The following CDH18 variants were observed in gnomAD, a reference collection of about 807,000 sequenced individuals.
The protein encoded by CDH18 is cadherin 18.
A neutral mutation model predicts 67.9 loss-of-function variants in CDH18; 31 were observed. The ratio of observed to expected loss-of-function variants is 0.46; its 90% confidence interval spans 0.34 to 0.62. The LOEUF (loss-of-function observed/expected upper bound fraction) is 0.62, where lower values mean the gene tolerates loss of function less well. CDH18 is among the 20% of genes least tolerant of loss of function. The pLI, the probability that CDH18 is intolerant of heterozygous loss-of-function variation, is 0.01. For missense variants in CDH18, 890 were observed against 975.5 expected (o/e 0.91, Z 1.17); for synonymous variants, 362 against 347.2 (o/e 1.04, Z -0.48).
chr5:19,623,773 T>G (rs1224888916), intron 5 of CDH18, among the ~76,000 whole-genome samples: 5 of 151,436 alleles, frequency 3.3e-5, no homozygotes, highest in Non-Finnish European at 7.4e-5. Context: ...ATTAAAACAC[T>G]ACTATATAAG....
chr5:20,094,857 A>T (rs1355128616), intron 2 of CDH18, among the ~76,000 whole-genome samples: 1 of 152,168 alleles, frequency 6.6e-6, no homozygotes, highest in East Asian at 1.9e-4. Flanking sequence ...ACACGCACAC[A>T]TATATTTACT....
At chr5:19,981,957 C>T (rs12657772) in intron 1 of CDH18, among the ~76,000 whole-genome samples, 64,439 of 152,006 alleles carry the variant, frequency 0.42, 16,055 homozygotes, top group Middle Eastern at 0.64. Context: ...CTACAAAATA[C>T]TAATTATGCC....
intron 2 of CDH18, among the ~76,000 whole-genome samples, chr5:19,848,665 T>C (rs1189696768): frequency 2.6e-5 from 4 of 151,874 alleles, no homozygotes; most frequent in African/African-American, 9.7e-5. Flanking sequence ...CTAGCTTCCA[T>C]GAGGAGAATG....
intron 1 of CDH18, among the ~76,000 whole-genome samples, chr5:20,441,409 AATG>A (rs1363052691): frequency 5.3e-5 from 8 of 151,876 alleles, no homozygotes; most frequent in Non-Finnish European, 1.0e-4. Flanking sequence ...CTGGTACAGG[AATG>A]ATGTGTGTGC....
intron 1 of CDH18, among the ~76,000 whole-genome samples, chr5:20,326,762 C>T (rs765670817): frequency 1.3e-4 from 20 of 152,104 alleles, no homozygotes; most frequent in Non-Finnish European, 2.6e-4. Flanking sequence ...AAGATGGTCT[C>T]GATCTCCTGA....
intron 5 of CDH18, among the ~76,000 whole-genome samples, chr5:19,706,163 G>A (rs1000723436): frequency 2.0e-5 from 3 of 152,082 alleles, no homozygotes; most frequent in East Asian, 3.9e-4. Context: ...GCTCAGTTAC[G>A]ATTTCATACA....
intron 2 of CDH18, among the ~76,000 whole-genome samples, chr5:20,170,692 G>A (rs1736632657): frequency 6.6e-6 from 1 of 152,004 alleles, no homozygotes; most frequent in Non-Finnish European, 1.5e-5. Context: ...AAATTTTGGT[G>A]GTTGTTGTTT....
intron 2 of CDH18, among the ~76,000 whole-genome samples, chr5:20,029,107 T>A (rs969266361): frequency 1.3e-5 from 2 of 152,194 alleles, no homozygotes; most frequent in Admixed American, 6.5e-5. Context: ...TTAATTATGC[T>A]TTCTAAATTA....
intron 1 of CDH18, among the ~76,000 whole-genome samples, chr5:20,278,318 G>A (rs150186957): frequency 2.8e-4 from 42 of 152,070 alleles, no homozygotes; most frequent in East Asian, 1.2e-3. Context: ...GCAGCAGACC[G>A]TTTGGTGCAA....
intron 2 of CDH18, among the ~76,000 whole-genome samples, chr5:20,096,368 A>G (rs1745991055): frequency 6.6e-6 from 1 of 152,112 alleles, no homozygotes; most frequent in South Asian, 2.1e-4. Flanking sequence ...TTTTCTTCAG[A>G]AAAAAATGTA....
At chr5:19,804,301 C>CA (rs72249900) in intron 3 of CDH18, among the ~76,000 whole-genome samples, 6,466 of 125,254 alleles carry the variant, frequency 0.052, 381 homozygotes, top group African/African-American at 0.15. Context: ...GATTCCATCT[C>CA]AAAAAAAAAA....
intron 5 of CDH18, among the ~76,000 whole-genome samples, chr5:19,720,912 A>G (rs1766011944): frequency 6.6e-6 from 1 of 152,172 alleles, no homozygotes; most frequent in Non-Finnish European, 1.5e-5. Context: ...ATGTATACCT[A>G]ACAATTTATG....
intron 12 of CDH18, among the ~76,000 whole-genome samples, chr5:19,474,029 A>C (rs559011173): frequency 2.0e-5 from 3 of 152,256 alleles, no homozygotes; most frequent in African/African-American, 7.2e-5. Flanking sequence ...TTAGTGATTA[A>C]AGTGAGATAA....
At chr5:20,106,401 A>T (rs1297378135) in intron 2 of CDH18, among the ~76,000 whole-genome samples, 1 of 152,212 alleles carries the variant, frequency 6.6e-6, no homozygotes, top group Non-Finnish European at 1.5e-5. Flanking sequence ...CAGTTAAATA[A>T]TCTCACATTT....
intron 1 of CDH18, among the ~76,000 whole-genome samples, chr5:20,452,287 A>C (rs2150208661): frequency 6.6e-6 from 1 of 152,258 alleles, no homozygotes; most frequent in East Asian, 1.9e-4. Flanking sequence ...TTTTTGTATT[A>C]TCTTGGAATA....
At chr5:19,833,525 C>T (rs548547902) in intron 3 of CDH18, among the ~76,000 whole-genome samples, 88 of 152,236 alleles carry the variant, frequency 5.8e-4, no homozygotes, top group Non-Finnish European at 1.0e-3. Context: ...TTTCTCTTGC[C>T]TGATTGCCCT....
chr5:20,242,687 T>A (rs1743081533), intron 2 of CDH18, among the ~76,000 whole-genome samples: 1 of 146,052 alleles, frequency 6.8e-6, no homozygotes, highest in South Asian at 2.1e-4. Context: ...TACCAGTCTA[T>A]TTTCACAAAT....
chr5:19,628,884 A>G (rs1199392389), intron 5 of CDH18, among the ~76,000 whole-genome samples: 1 of 152,114 alleles, frequency 6.6e-6, no homozygotes, highest in Non-Finnish European at 1.5e-5. Context: ...AGATTGAGAG[A>G]AAAGGTAAAA....
At chr5:19,539,068 A>G (rs1384709437) in intron 9 of CDH18, among the ~76,000 whole-genome samples, 1 of 152,214 alleles carries the variant, frequency 6.6e-6, no homozygotes, top group Admixed American at 6.5e-5. Context: ...TTAACAGGCA[A>G]TTAAGCCACG....
Sources: gnomAD v4.1 joint callset for allele counts (sites outside exome capture counted in the v4.1 genomes callset) on GRCh38, gnomAD v4.1.1 for gene constraint, MANE v1.5 for transcripts, NCBI Gene and HGNC (gene_info 2026-07-23, HGNC 2026-07-21) for gene names.